The following GALNTL6 variants were observed in gnomAD, a reference collection of about 807,000 sequenced individuals.
GALNTL6 encodes the protein polypeptide N-acetylgalactosaminyltransferase-like 6.
In GALNTL6, 46 loss-of-function variants were observed where a neutral mutation model predicts 73.7. The ratio of observed to expected loss-of-function variants is 0.62; its 90% confidence interval spans 0.49 to 0.80. The LOEUF (loss-of-function observed/expected upper bound fraction) is 0.80, where lower values mean the gene tolerates loss of function less well. Ranked by LOEUF, GALNTL6 falls within the 30% of genes least tolerant of loss-of-function variation. GALNTL6 has a pLI of 0.00. For missense variants in GALNTL6, 604 were observed against 755.0 expected (o/e 0.80, Z 2.34); for synonymous variants, 259 against 263.7 (o/e 0.98, Z 0.17).
chr4:172,057,304 C>T (rs1414366337), intron 2 of GALNTL6, among the ~76,000 whole-genome samples: 1 of 151,790 alleles, frequency 6.6e-6, no homozygotes, highest in African/African-American at 2.4e-5. Context: ...CTCCCAGCTA[C>T]TCGAGAGGCT....
chr4:172,571,724 A>G (rs1261663086), intron 5 of GALNTL6, among the ~76,000 whole-genome samples: 2 of 152,272 alleles, frequency 1.3e-5, no homozygotes, highest in Non-Finnish European at 2.9e-5. Context: ...TATCCTTGAC[A>G]AATTATGAAG....
chr4:172,030,065 CAAAAT>C (rs1254804285), intron 2 of GALNTL6, among the ~76,000 whole-genome samples: 1 of 151,962 alleles, frequency 6.6e-6, no homozygotes, highest in Non-Finnish European at 1.5e-5. Context: ...ACATTTTACT[CAAAAT>C]AAAACTCTTA....
At chr4:172,523,141 C>T (rs1290613256) in intron 5 of GALNTL6, among the ~76,000 whole-genome samples, 1 of 152,140 alleles carries the variant, frequency 6.6e-6, no homozygotes, top group Non-Finnish European at 1.5e-5. Flanking sequence ...TTGAGGGACT[C>T]AGGATGTACT....
intron 3 of GALNTL6, among the ~76,000 whole-genome samples, chr4:172,278,920 A>G (rs1401099778): frequency 6.6e-6 from 1 of 152,152 alleles, no homozygotes; most frequent in Admixed American, 6.6e-5. Flanking sequence ...TATCACATAT[A>G]TGGCCAAATG....
At chr4:172,712,914 T>G (rs1734801246) in intron 5 of GALNTL6, among the ~76,000 whole-genome samples, 1 of 152,182 alleles carries the variant, frequency 6.6e-6, no homozygotes, top group South Asian at 2.1e-4. Context: ...CCACTTGCTC[T>G]CACCAAGACC....
intron 5 of GALNTL6, among the ~76,000 whole-genome samples, chr4:172,611,284 A>G (rs1738516979): frequency 1.3e-5 from 2 of 152,016 alleles, no homozygotes; most frequent in African/African-American, 4.8e-5. Context: ...TCAGTGGTCT[A>G]TGTACTTAAG....
chr4:172,440,601 T>C (rs1731799417), intron 5 of GALNTL6, among the ~76,000 whole-genome samples: 1 of 152,124 alleles, frequency 6.6e-6, no homozygotes, highest in Non-Finnish European at 1.5e-5. Flanking sequence ...TGAACCCTAA[T>C]GTAAACTCTA....
intron 2 of GALNTL6, among the ~76,000 whole-genome samples, chr4:171,896,720 C>T (rs1736929096): frequency 6.6e-6 from 1 of 152,152 alleles, no homozygotes; most frequent in Non-Finnish European, 1.5e-5. Context: ...GGCCCCACCT[C>T]CTAATACCAT....
intron 8 of GALNTL6, among the ~76,000 whole-genome samples, chr4:172,897,595 G>C (rs964094826): frequency 6.6e-6 from 1 of 152,180 alleles, no homozygotes; most frequent in Admixed American, 6.5e-5. Flanking sequence ...TTCCTTGGGG[G>C]ACAGGTCTGT....
At chr4:172,993,872 A>G (rs1416974783) in intron 10 of GALNTL6, among the ~76,000 whole-genome samples, 1 of 152,162 alleles carries the variant, frequency 6.6e-6, no homozygotes, top group East Asian at 1.9e-4. Context: ...CAGTGAGCCG[A>G]GATTGTGCCA....
intron 5 of GALNTL6, among the ~76,000 whole-genome samples, chr4:172,488,255 G>T (rs1312465292): frequency 6.6e-6 from 1 of 152,160 alleles, no homozygotes; most frequent in Non-Finnish European, 1.5e-5. Context: ...GATTACTACT[G>T]CTCCAGAACA....
intron 5 of GALNTL6, among the ~76,000 whole-genome samples, chr4:172,712,648 A>G (rs910503718): frequency 6.6e-6 from 1 of 152,190 alleles, no homozygotes; most frequent in Non-Finnish European, 1.5e-5. Flanking sequence ...ACAAGTTACC[A>G]TGTGAGATTT....
At chr4:172,009,049 C>T (rs1464276883) in intron 2 of GALNTL6, among the ~76,000 whole-genome samples, 2 of 152,014 alleles carry the variant, frequency 1.3e-5, no homozygotes, top group African/African-American at 2.4e-5. Context: ...ACTAGAAATA[C>T]TAAATTATAT....
At chr4:172,570,765 T>C (rs1736730929) in intron 5 of GALNTL6, among the ~76,000 whole-genome samples, 1 of 152,136 alleles carries the variant, frequency 6.6e-6, no homozygotes, top group African/African-American at 2.4e-5. Flanking sequence ...TATTGTAATA[T>C]ATAACGAAAT....
At chr4:172,999,881 C>A (rs1430393462) in intron 10 of GALNTL6, among the ~76,000 whole-genome samples, 3 of 151,986 alleles carry the variant, frequency 2.0e-5, no homozygotes, top group Non-Finnish European at 2.9e-5. Context: ...TAACTCTCCA[C>A]CTGTCTTTCT....
chr4:172,872,312 T>C (rs1744989183), intron 7 of GALNTL6, among the ~76,000 whole-genome samples: 1 of 152,240 alleles, frequency 6.6e-6, no homozygotes, highest in African/African-American at 2.4e-5. Context: ...GATAAAAATG[T>C]GAATGAAAAC....
chr4:172,719,968 G>A (rs1013307137), intron 5 of GALNTL6, among the ~76,000 whole-genome samples: 7 of 152,106 alleles, frequency 4.6e-5, no homozygotes, highest in Admixed American at 2.0e-4. Flanking sequence ...CTGTCATGGC[G>A]CTGATGGGAG....
intron 5 of GALNTL6, among the ~76,000 whole-genome samples, chr4:172,486,502 CTT>C (rs1269898609): frequency 6.6e-6 from 1 of 152,098 alleles, no homozygotes; most frequent in Non-Finnish European, 1.5e-5. Flanking sequence ...ATTTTGTTGT[CTT>C]GAGTGGAAGG....
At chr4:171,889,260 A>G (rs1034230936) in intron 2 of GALNTL6, among the ~76,000 whole-genome samples, 7 of 152,110 alleles carry the variant, frequency 4.6e-5, no homozygotes, top group Non-Finnish European at 8.8e-5. Flanking sequence ...TCAGGAAAAT[A>G]TTTAACATCG....
Sources: allele counts gnomAD v4.1 joint callset (sites outside exome capture counted in the v4.1 genomes callset), GRCh38; gene constraint gnomAD v4.1.1; transcripts MANE v1.5; gene names NCBI Gene and HGNC (gene_info 2026-07-23, HGNC 2026-07-21).